Variants in GSE1 observed in about 807,000 individuals in gnomAD.
The protein encoded by GSE1 is genetic suppressor element 1.
GSE1 carries 32 observed loss-of-function variants against 112.6 expected under a neutral mutation model. That is an observed-to-expected ratio of 0.28 (90% CI 0.21 to 0.38). GSE1 has a LOEUF of 0.38. Ranked by LOEUF, GSE1 falls within the 10% of genes least tolerant of loss-of-function variation. The pLI is 1.00. For synonymous variants in GSE1, 1,115 were observed against 735.6 expected, an observed-to-expected ratio of 1.52 and a Z score of -8.35; for missense variants, 2,348 against 1,699.2, an observed-to-expected ratio of 1.38 and a Z score of -6.71.
intron 2 of GSE1, among the ~76,000 whole-genome samples, chr16:85,424,722 C>A (rs565095072): frequency 3.9e-4 from 59 of 152,250 alleles, no homozygotes; most frequent in African/African-American, 1.4e-3. Flanking sequence ...CACTGACAGG[C>A]GCGAGGGCTC....
At chr16:85,393,811 G>T (rs2047903146) in intron 2 of GSE1, among the ~76,000 whole-genome samples, 1 of 152,212 alleles carries the variant, frequency 6.6e-6, no homozygotes. Flanking sequence ...CCAGCCTGGT[G>T]GCTGGGCTGG....
At chr16:85,476,204 T>G (rs907630969) in intron 2 of GSE1, among the ~76,000 whole-genome samples, 1 of 152,194 alleles carries the variant, frequency 6.6e-6, no homozygotes, top group Admixed American at 6.5e-5. Flanking sequence ...AGTGCTGGGA[T>G]TACAGGCGTC....
chr16:85,494,709 T>C (rs867711403), intron 2 of GSE1, among the ~76,000 whole-genome samples: 1 of 152,136 alleles, frequency 6.6e-6, no homozygotes, highest in African/African-American at 2.4e-5. Flanking sequence ...TGGCCCCAAA[T>C]AAGGTCACAT....
At chr16:85,306,864 A>G (rs76726254) in intron 1 of GSE1, among the ~76,000 whole-genome samples, 245 of 152,364 alleles carry the variant, frequency 1.6e-3, no homozygotes, top group African/African-American at 5.7e-3. Context: ...AGAGGCCCCA[A>G]ACGGTTTGAA....
At chr16:85,235,341 G>C (rs1264825991) in intron 1 of GSE1, among the ~76,000 whole-genome samples, 1 of 151,360 alleles carries the variant, frequency 6.6e-6, no homozygotes, top group African/African-American at 2.4e-5. Flanking sequence ...GGTTGGTTCT[G>C]GCCCCCTCAC....
At position 85,376,909 on chromosome 16, in the gene GSE1, C is replaced by A. The variant is rs111255544; in HGVS notation, c.2464+19266C>A. Among the ~76,000 whole-genome samples the A allele has an allele frequency of 1.0e-3, 158 of 152,350 alleles. 1 individual carries two copies. The highest frequency in any genetic ancestry group is 3.5e-3 in the African/African-American group (147 of 41,578). ...CCCTCCGCACACCGCACACCGCACA[C>A]CCGGCCCCGCGTTACCCGACGGCCC... On this transcript the variant is annotated intron_variant, in intron 2 of 2. Coordinates refer to the GSE1 transcript ENST00000637419.
intron 2 of GSE1, among the ~76,000 whole-genome samples, chr16:85,433,783 G>A (rs4782701): frequency 0.18 from 27,945 of 151,926 alleles, 2,709 homozygotes; most frequent in Middle Eastern, 0.27. Flanking sequence ...ATAGATGGAT[G>A]TTGGATAGAT....
chr16:85,380,509 A>AT (rs2047522018), intron 2 of GSE1, among the ~76,000 whole-genome samples: 1 of 151,380 alleles, frequency 6.6e-6, no homozygotes, highest in South Asian at 2.1e-4. Flanking sequence ...GTGGGAGGAC[A>AT]CCCCCCCTCC....
At chr16:85,286,982 G>A (rs1389527883) in intron 1 of GSE1, among the ~76,000 whole-genome samples, 4 of 152,204 alleles carry the variant, frequency 2.6e-5, no homozygotes, top group African/African-American at 9.7e-5. Flanking sequence ...CGGGGGCCGC[G>A]GGCTCCAGCG....
At chr16:85,482,813 A>T (rs2050721304) in intron 2 of GSE1, among the ~76,000 whole-genome samples, 1 of 152,130 alleles carries the variant, frequency 6.6e-6, no homozygotes, top group Admixed American at 6.5e-5. Flanking sequence ...CCCTGTCCCT[A>T]CTAAAAATAC....
chr16:85,668,264 C>T lies in GSE1; in HGVS notation c.3255C>T (p.Pro1085=). Residue 1085 remains proline, a synonymous_variant, in exon 14 of 16, where the codon CCC becomes CCT. Transcript: ENST00000253458. ...PPPQHNGQQE[P]PTARKGPPTQ... is the part of the protein sequence containing the mutation. ...CCCAGCACAATGGGCAGCAGGAGCC[C>T]CCCACTGCAAGGAAGGGCCCCCCAA... 6.2e-7 allele frequency: 1 copy of T among 1,610,662 alleles called. No individual in the cohort carries two copies.
At chr16:85,415,745 C>A (rs2048690147) in intron 2 of GSE1, among the ~76,000 whole-genome samples, 3 of 152,244 alleles carry the variant, frequency 2.0e-5, no homozygotes, top group African/African-American at 7.2e-5. Context: ...CTTGTTCCCC[C>A]TGTCCTGGAG....
intron 2 of GSE1, among the ~76,000 whole-genome samples, chr16:85,445,686 C>T (rs2049492191): frequency 6.6e-6 from 1 of 152,212 alleles, no homozygotes; most frequent in Admixed American, 6.5e-5. Flanking sequence ...CTTGCAAGGC[C>T]TGGCCTCTCG....
intron 1 of GSE1, among the ~76,000 whole-genome samples, chr16:85,246,369 C>A (rs1316194456): frequency 8.8e-6 from 1 of 113,496 alleles, no homozygotes; most frequent in Non-Finnish European, 1.8e-5. Context: ...ACACACACAC[C>A]ACACGCTGTC....
intron 1 of GSE1, among the ~76,000 whole-genome samples, chr16:85,182,037 C>T (rs568108420): frequency 2.6e-5 from 4 of 152,354 alleles, no homozygotes; most frequent in East Asian, 1.9e-4. Flanking sequence ...AGCCCCGGAA[C>T]GTCCAGAATG....
intron 3 of GSE1, among the ~76,000 whole-genome samples, chr16:85,653,873 G>C (rs1259893181): frequency 1.3e-5 from 2 of 152,204 alleles, no homozygotes; most frequent in East Asian, 3.9e-4. Flanking sequence ...ACGGCGTGCT[G>C]GGTGCCAACG....
intron 1 of GSE1, among the ~76,000 whole-genome samples, chr16:85,236,699 C>T (rs1005295925): frequency 6.6e-6 from 1 of 152,162 alleles, no homozygotes; most frequent in Non-Finnish European, 1.5e-5. Flanking sequence ...GGTTCCTGAG[C>T]AGGAGAGTGG....
chr16:85,511,017 G>A (rs1262334155), intron 2 of GSE1, among the ~76,000 whole-genome samples: 3 of 152,194 alleles, frequency 2.0e-5, no homozygotes, highest in South Asian at 2.1e-4. Flanking sequence ...TTAATAGCAC[G>A]TACCCGTAAA....
intron 1 of GSE1, among the ~76,000 whole-genome samples, chr16:85,618,778 C>T (rs1194966113): frequency 6.6e-6 from 1 of 152,262 alleles, no homozygotes; most frequent in Non-Finnish European, 1.5e-5. Flanking sequence ...CTGCCGCAGC[C>T]TCCTGAGAAG....
Sources: allele counts gnomAD v4.1 joint callset (sites outside exome capture counted in the v4.1 genomes callset), GRCh38; gene constraint gnomAD v4.1.1; transcripts MANE v1.5; gene names NCBI Gene and HGNC (gene_info 2026-07-23, HGNC 2026-07-21).